The following STAG1 variants were observed in gnomAD, a reference collection of about 807,000 sequenced individuals.
STAG1 encodes cohesin subunit SA-1.
STAG1 carries 26 observed loss-of-function variants against 170.9 expected under a neutral mutation model. The observed-to-expected ratio is 0.15, with a 90% confidence interval of 0.11 to 0.21. STAG1 has a LOEUF of 0.21. Ranked by LOEUF, STAG1 falls within the 10% of genes least tolerant of loss-of-function variation. STAG1 has a pLI of 1.00. For synonymous variants in STAG1, 514 were observed against 497.7 expected (o/e 1.03, Z -0.44); for missense variants, 964 against 1,509.5 (o/e 0.64, Z 5.99).
intron 13 of STAG1, among the ~76,000 whole-genome samples, chr3:136,463,512 A>T (rs930568588): frequency 3.9e-5 from 6 of 152,056 alleles, no homozygotes; most frequent in Middle Eastern, 3.2e-3. Flanking sequence ...TAAATCCATG[A>T]ACAAAAATCC....
At chr3:136,505,500 A>G (rs573967914) in intron 7 of STAG1, among the ~76,000 whole-genome samples, 1 of 152,352 alleles carries the variant, frequency 6.6e-6, no homozygotes, top group African/African-American at 2.4e-5. Context: ...AAATACATAT[A>G]TACTATTTCC....
At chr3:136,409,581 C>T (rs1209253445) in intron 21 of STAG1, among the ~76,000 whole-genome samples, 2 of 152,078 alleles carry the variant, frequency 1.3e-5, no homozygotes, top group African/African-American at 4.8e-5. Context: ...AAGTCATCCA[C>T]CTGCCTTTGC....
At chr3:136,396,948 TC>T in intron 22 of STAG1, among the ~76,000 whole-genome samples, 1 of 152,280 alleles carries the variant, frequency 6.6e-6, no homozygotes, top group Middle Eastern at 3.4e-3. Context: ...TTACCATTCT[TC>T]TAATGAAAAA....
intron 1 of STAG1, among the ~76,000 whole-genome samples, chr3:136,670,404 A>G (rs1052122473): frequency 6.6e-6 from 1 of 152,234 alleles, no homozygotes; most frequent in Non-Finnish European, 1.5e-5. Flanking sequence ...ATTTACCACA[A>G]AGAAAGTACA....
At chr3:136,527,136 G>A (rs1486633647) in intron 6 of STAG1, among the ~76,000 whole-genome samples, 1 of 152,122 alleles carries the variant, frequency 6.6e-6, no homozygotes, top group Non-Finnish European at 1.5e-5. Context: ...TTGAATGTTG[G>A]CCTGCCTTGC....
intron 3 of STAG1, among the ~76,000 whole-genome samples, chr3:136,615,479 A>G (rs2107821855): frequency 6.8e-6 from 1 of 147,996 alleles, no homozygotes; most frequent in East Asian, 2.0e-4. Flanking sequence ...TGCTTTTTGA[A>G]TAAGAAAAAA....
In STAG1 at chr3:136,351,659, C is replaced by G. The variant is rs1182783132; in HGVS notation, c.3066-2296G>C. 2.0e-5 allele frequency among the ~76,000 whole-genome samples: 3 copies of G among 152,228 alleles called. No homozygotes were observed. The East Asian group carries it at 5.8e-4, about 29-fold the overall frequency. Reference sequence around the variant, plus strand: ...CTATTCTTACACCTAGGAGCAACTCCTAGGAAGCCAGGCTTAAAAATAAAA... The same window carrying G: ...CTATTCTTACACCTAGGAGCAACTCGTAGGAAGCCAGGCTTAAAAATAAAA... On this transcript the variant is annotated intron_variant, in intron 28 of 33. Coordinates refer to ENST00000383202, the MANE Select transcript of STAG1 (RefSeq NM_005862.3).
intron 13 of STAG1, among the ~76,000 whole-genome samples, chr3:136,459,031 A>C (rs1022638946): frequency 2.0e-5 from 3 of 152,108 alleles, no homozygotes; most frequent in African/African-American, 7.2e-5. Flanking sequence ...CATCCTGGCC[A>C]ACATGGTGAA....
chr3:136,747,668 A>C (rs910602048), intron 1 of STAG1, among the ~76,000 whole-genome samples: 2 of 152,196 alleles, frequency 1.3e-5, no homozygotes, highest in South Asian at 4.1e-4. Context: ...TGACAGAGAG[A>C]GACCCTGTCT....
Position 136,713,106 on chromosome 3 carries a change from A to C in STAG1, c.-84+39089T>G, listed in dbSNP as rs928981663. 2.0e-5 allele frequency among the ~76,000 whole-genome samples: 3 copies of C among 152,266 alleles called. No homozygotes were observed. The South Asian group carries it at 6.2e-4, about 32-fold the overall frequency. On this transcript the variant is annotated intron_variant, in intron 1 of 33. Coordinates refer to ENST00000383202, the MANE Select transcript of STAG1 (RefSeq NM_005862.3). Reference sequence around the variant, plus strand: ...AAACTCCGTCTCAAAACAAAACCACAAGAGTGTTCTCAGCAGTAATACTTA... The same window carrying C: ...AAACTCCGTCTCAAAACAAAACCACCAGAGTGTTCTCAGCAGTAATACTTA...
intron 26 of STAG1, 101 bp from the exon 27 acceptor site, chr3:136,359,397 A>G (rs1936772732): frequency 1.3e-6 from 1 of 794,704 alleles, no homozygotes; most frequent in African/African-American, 1.8e-5. Context: ...TATAAGGTGA[A>G]ATGTTTCTCT....
intron 10 of STAG1, among the ~76,000 whole-genome samples, chr3:136,475,113 A>G (rs960730494): frequency 7.7e-6 from 1 of 130,372 alleles, no homozygotes; most frequent in Non-Finnish European, 1.6e-5. Context: ...GCTTTGTCAT[A>G]CTTTCCTCAC....
intron 28 of STAG1, among the ~76,000 whole-genome samples, chr3:136,351,301 A>G (rs1273467759): frequency 6.6e-6 from 1 of 152,214 alleles, no homozygotes; most frequent in Non-Finnish European, 1.5e-5. Flanking sequence ...AAGAAGGATA[A>G]CATTTTATAG....
intron 6 of STAG1, among the ~76,000 whole-genome samples, chr3:136,527,494 C>T (rs1319111780): frequency 2.0e-5 from 3 of 152,124 alleles, no homozygotes; most frequent in Admixed American, 6.5e-5. Context: ...AGCCATTCGT[C>T]CAGTCTTTTT....
At chr3:136,367,569 G>A (rs1481042483) in intron 24 of STAG1, among the ~76,000 whole-genome samples, 1 of 151,978 alleles carries the variant, frequency 6.6e-6, no homozygotes, top group African/African-American at 2.4e-5. Context: ...CCTTTAAAAC[G>A]CTGTCTTTTC....
At chr3:136,360,057 G>A (rs1336758680) in intron 26 of STAG1, among the ~76,000 whole-genome samples, 1 of 152,040 alleles carries the variant, frequency 6.6e-6, no homozygotes, top group Admixed American at 6.6e-5. Context: ...TCTTAAGCTG[G>A]GTGGAGTTTT....
At chr3:136,543,510 C>T (rs756508486) in intron 5 of STAG1, among the ~76,000 whole-genome samples, 5 of 152,132 alleles carry the variant, frequency 3.3e-5, no homozygotes, top group Non-Finnish European at 7.4e-5. Context: ...TAAAAACAGA[C>T]TGTAATTGTA....
At chr3:136,654,626 A>T (rs1278739280) in intron 1 of STAG1, among the ~76,000 whole-genome samples, 1 of 152,188 alleles carries the variant, frequency 6.6e-6, no homozygotes, top group Admixed American at 6.5e-5. Context: ...AAATAGAAAA[A>T]CTCATCCTAA....
chr3:136,490,422 G>T (rs2090102118), intron 9 of STAG1, among the ~76,000 whole-genome samples: 1 of 152,116 alleles, frequency 6.6e-6, no homozygotes, highest in Non-Finnish European at 1.5e-5. Flanking sequence ...AGTAAAAACA[G>T]TGGCAAAATA....
Sources: gnomAD v4.1 joint callset for allele counts (sites outside exome capture counted in the v4.1 genomes callset) on GRCh38, gnomAD v4.1.1 for gene constraint, MANE v1.5 for transcripts, NCBI Gene and HGNC (gene_info 2026-07-23, HGNC 2026-07-21) for gene names.